The following HECW2 variants were observed in gnomAD, a reference collection of about 807,000 sequenced individuals.
The protein encoded by HECW2 is E3 ubiquitin-protein ligase HECW2.
A neutral mutation model predicts 175.2 loss-of-function variants in HECW2; 61 were observed. The observed-to-expected ratio is 0.35, with a 90% CI of 0.28 to 0.43. HECW2 has a LOEUF of 0.43. Ranked by LOEUF, HECW2 falls within the 20% of genes least tolerant of loss-of-function variation. The pLI is 1.00. For synonymous variants in HECW2, 671 were observed against 731.0 expected, an observed-to-expected ratio of 0.92 and a Z score of 1.32; for missense variants, 1,524 against 2,000.5, an observed-to-expected ratio of 0.76 and a Z score of 4.54.
Position 196,242,141 on chromosome 2 carries a change from C to G in HECW2, c.3593G>C (p.Arg1198Thr). 1 of 1,614,174 alleles carries G rather than the reference C, an allele frequency of 6.2e-7. No homozygotes were observed. The highest frequency in any genetic ancestry group is 8.5e-7 in the Non-Finnish European group (1 of 1,180,024). ...AGTCTCTAACTTCCTGTAAAAGTTC[C>G]TCAGTTTGGCTTCGAAATCCCGCTT... ...PYKRDFEAKLRNFYRKLETKG... is the reference protein window; with the variant it reads ...PYKRDFEAKLTNFYRKLETKG... Residue 1198 changes from arginine (R) to threonine (T), a missense_variant, in exon 20 of 29, where the codon AGG becomes ACG. By Grantham distance (71) the Arg-to-Thr change is moderately conservative. Coordinates refer to ENST00000644978, the MANE Select transcript of HECW2 (RefSeq NM_001348768.2).
chr2:196,203,203 G>A (rs1307636856), intron 28 of HECW2, among the ~76,000 whole-genome samples: 1 of 152,122 alleles, frequency 6.6e-6, no homozygotes, highest in Non-Finnish European at 1.5e-5. Flanking sequence ...TAAACTCTGG[G>A]ATATATTGGT....
At chr2:196,506,921 G>A (rs1463477421) in intron 1 of HECW2, among the ~76,000 whole-genome samples, 4 of 152,014 alleles carry the variant, frequency 2.6e-5, no homozygotes. Context: ...TTTAAATACA[G>A]TATTAGAAAA....
chr2:196,292,865 C>CT (rs1242609493), intron 13 of HECW2, 115 bp from the exon 14 acceptor site: 3 of 788,330 alleles, frequency 3.8e-6, no homozygotes, highest in Non-Finnish European at 6.1e-6. Flanking sequence ...CATATATAAG[C>CT]TTTGACAGAA....
intron 2 of HECW2, among the ~76,000 whole-genome samples, chr2:196,416,578 T>G (rs1369701924): frequency 6.6e-6 from 1 of 152,186 alleles, no homozygotes; most frequent in Non-Finnish European, 1.5e-5. Context: ...AATGCCCATT[T>G]AACATATTTC....
chr2:196,304,207 T>C (rs1691177429), intron 13 of HECW2, among the ~76,000 whole-genome samples: 1 of 152,158 alleles, frequency 6.6e-6, no homozygotes, highest in South Asian at 2.1e-4. Context: ...TACCCCTGAG[T>C]CTCTGCACTT....
chr2:196,478,219 C>T (rs1288045758), intron 1 of HECW2, among the ~76,000 whole-genome samples: 1 of 152,170 alleles, frequency 6.6e-6, no homozygotes, highest in Non-Finnish European at 1.5e-5. Flanking sequence ...GTCACCACAT[C>T]AGGAGTGGCT....
chr2:196,468,824 C>T (rs1559128951), intron 1 of HECW2, among the ~76,000 whole-genome samples: 1 of 152,104 alleles, frequency 6.6e-6, no homozygotes, highest in Non-Finnish European at 1.5e-5. Context: ...TATGGGTTAC[C>T]TAAGCCAAGC....
At chr2:196,527,183 C>T (rs1056538359) in intron 1 of HECW2, among the ~76,000 whole-genome samples, 3 of 152,196 alleles carry the variant, frequency 2.0e-5, no homozygotes, top group Non-Finnish European at 4.4e-5. Context: ...TCTCGTGGTG[C>T]GCCGTTTTTT....
At chr2:196,427,299 C>T (rs1370748475) in intron 2 of HECW2, among the ~76,000 whole-genome samples, 1 of 109,172 alleles carries the variant, frequency 9.2e-6, no homozygotes, top group Non-Finnish European at 2.0e-5. Flanking sequence ...TTTACATTTT[C>T]GTTATGCAAA....
At chr2:196,332,853 T>C (rs1692418776) in intron 4 of HECW2, among the ~76,000 whole-genome samples, 1 of 152,242 alleles carries the variant, frequency 6.6e-6, no homozygotes, top group African/African-American at 2.4e-5. Flanking sequence ...TGGCAGACTT[T>C]GTAATCAACA....
chr2:196,482,047 G>GA (rs1002589190), intron 1 of HECW2, among the ~76,000 whole-genome samples: 3 of 152,104 alleles, frequency 2.0e-5, no homozygotes, highest in African/African-American at 7.2e-5. Flanking sequence ...TTTCCTTGCT[G>GA]AAAAAAATAG....
intron 1 of HECW2, among the ~76,000 whole-genome samples, chr2:196,567,172 C>T (rs941713619): frequency 1.3e-5 from 2 of 152,086 alleles, no homozygotes; most frequent in African/African-American, 4.8e-5. Context: ...CATCTCTGAC[C>T]GCACAGATGA....
At chr2:196,464,032 C>CT (rs566232395) in intron 1 of HECW2, among the ~76,000 whole-genome samples, 1,504 of 144,030 alleles carry the variant, frequency 0.01, 11 homozygotes, top group South Asian at 0.035. Context: ...CCAGCTTTTC[C>CT]TTTTTTTTTT....
chr2:196,586,617 A>G (rs187980790), intron 1 of HECW2: 19 of 152,016 alleles, frequency 1.2e-4, no homozygotes, highest in Admixed American at 1.2e-3. Flanking sequence ...TAGCATGTGG[A>G]TTGGCTTCTT....
chr2:196,458,663 C>T (rs375009306), intron 1 of HECW2, among the ~76,000 whole-genome samples: 1 of 151,796 alleles, frequency 6.6e-6, no homozygotes, highest in Non-Finnish European at 1.5e-5. Context: ...GTCAAGAGAT[C>T]GAGACCATCA....
At chr2:196,290,258 T>C (rs1690558024) in intron 14 of HECW2, 1 of 152,232 alleles carries the variant, frequency 6.6e-6, no homozygotes, top group Non-Finnish European at 1.5e-5. Context: ...ATGAACATGG[T>C]TGAGATAATG....
At position 196,254,168 on chromosome 2, in the gene HECW2, A is replaced by G. The variant is rs1338326313; in HGVS notation, c.3420-139T>C. 4.4e-5 allele frequency: 59 copies of G among 1,346,144 alleles called. No homozygotes were observed. In the South Asian group the frequency reaches 7.5e-4, roughly 17 times the overall value. 83.4% of individuals were successfully genotyped at this position (1,346,144 alleles called of 1,614,324 possible). ...CATCCGCCCCCTTTCTCTTGCAGGT[A>G]ATTCTTGGTACAAAATGGCTGGCTG... On this transcript the variant is annotated intron_variant, in intron 18 of 28. Transcript: ENST00000644978.
intron 5 of HECW2, among the ~76,000 whole-genome samples, chr2:196,329,279 T>A (rs1575421243): frequency 6.6e-6 from 1 of 152,182 alleles, no homozygotes; most frequent in South Asian, 2.1e-4. Context: ...TTTTCAATAA[T>A]CAAAGCTCCT....
At chr2:196,402,365 G>T (rs963738896) in intron 2 of HECW2, among the ~76,000 whole-genome samples, 2 of 152,084 alleles carry the variant, frequency 1.3e-5, no homozygotes, top group Admixed American at 1.3e-4. Flanking sequence ...GCTTGCAAGA[G>T]ATTTACTTTT....
Sources: allele counts gnomAD v4.1 joint callset (sites outside exome capture counted in the v4.1 genomes callset), GRCh38; gene constraint gnomAD v4.1.1; transcripts MANE v1.5; gene names NCBI Gene and HGNC (gene_info 2026-07-23, HGNC 2026-07-21).